The following FGGY variants were observed in gnomAD, a reference collection of about 807,000 sequenced individuals.
FGGY encodes the protein FGGY carbohydrate kinase domain-containing protein.
A neutral mutation model predicts 71.3 loss-of-function variants in FGGY; 72 were observed. The observed-to-expected ratio is 1.01, with a 90% CI of 0.84 to 1.23. The LOEUF (loss-of-function observed/expected upper bound fraction) is 1.23, where lower values mean the gene tolerates loss of function less well. Ranked by LOEUF, FGGY falls within the 50% of genes most tolerant of loss-of-function variation. The probability of loss-of-function intolerance (pLI) is 0.00; values close to 1 mark genes in which losing one functional copy is unlikely to be tolerated. For missense variants in FGGY, 668 were observed against 682.3 expected (o/e 0.98, Z 0.23); for synonymous variants, 251 against 250.3 (o/e 1.00, Z -0.02).
intron 4 of FGGY, among the ~76,000 whole-genome samples, chr1:59,375,321 A>T (rs1208299346): frequency 6.6e-6 from 1 of 151,922 alleles, no homozygotes; most frequent in Non-Finnish European, 1.5e-5. Context: ...ATCCTCACAG[A>T]TGCCTGCTGG....
chr1:59,691,641 CTTT>C (rs774899362), intron 14 of FGGY, among the ~76,000 whole-genome samples: 1 of 131,952 alleles, frequency 7.6e-6, no homozygotes, highest in Non-Finnish European at 1.6e-5. Context: ...TTTTTCTTTT[CTTT>C]TTTTTTTTTT....
chr1:59,377,002 T>C (rs1274855645), intron 4 of FGGY, among the ~76,000 whole-genome samples: 1 of 152,224 alleles, frequency 6.6e-6, no homozygotes, highest in East Asian at 1.9e-4. Flanking sequence ...TGGGTCCTGA[T>C]TCTAAGTTCT....
chr1:59,534,059 A>G (rs1357991943), intron 7 of FGGY, among the ~76,000 whole-genome samples: 1 of 152,204 alleles, frequency 6.6e-6, no homozygotes, highest in East Asian at 1.9e-4. Context: ...TTCAAACCAA[A>G]GGCAAAGAAG....
At chr1:59,579,938 G>A (rs2096157919) in intron 8 of FGGY, among the ~76,000 whole-genome samples, 1 of 152,090 alleles carries the variant, frequency 6.6e-6, no homozygotes, top group African/African-American at 2.4e-5. Flanking sequence ...TCACACCACT[G>A]CAGCTGCCCT....
intron 5 of FGGY, among the ~76,000 whole-genome samples, chr1:59,439,208 C>A (rs1457840920): frequency 1.3e-5 from 2 of 152,164 alleles, no homozygotes; most frequent in Admixed American, 1.3e-4. Context: ...TGCCTGACAC[C>A]TTGCATGGAA....
chr1:59,753,895 TAA>T (rs2098268519), intron 14 of FGGY, among the ~76,000 whole-genome samples: 1 of 152,188 alleles, frequency 6.6e-6, no homozygotes, highest in African/African-American at 2.4e-5. Flanking sequence ...TAGATAAATA[TAA>T]AGTCACTTAG....
chr1:59,475,388 A>G (rs1432854208), intron 6 of FGGY, among the ~76,000 whole-genome samples: 2 of 152,254 alleles, frequency 1.3e-5, no homozygotes, highest in Non-Finnish European at 2.9e-5. Context: ...AATACAGGAT[A>G]TGTTGGTTAA....
chr1:59,758,170 T>C (rs2098310891), intron 15 of FGGY, among the ~76,000 whole-genome samples, 178 bp downstream of exon 15: 1 of 152,178 alleles, frequency 6.6e-6, no homozygotes, highest in Non-Finnish European at 1.5e-5. Flanking sequence ...GCTGCAGAAC[T>C]ATGTAGGGCC....
chr1:59,445,157 GGGA>G (rs1189112888), intron 5 of FGGY, among the ~76,000 whole-genome samples: 1 of 152,166 alleles, frequency 6.6e-6, no homozygotes, highest in African/African-American at 2.4e-5. Flanking sequence ...AGAGGGAGGA[GGGA>G]AATAAATGGC....
chr1:59,306,352 G>A (rs1557488846), intron 1 of FGGY, among the ~76,000 whole-genome samples: 1 of 152,032 alleles, frequency 6.6e-6, no homozygotes, highest in African/African-American at 2.4e-5. Context: ...TATATCAGAG[G>A]GAAAAACATA....
intron 4 of FGGY, among the ~76,000 whole-genome samples, chr1:59,377,313 A>G (rs1280334936): frequency 2.6e-5 from 4 of 152,198 alleles, no homozygotes; most frequent in African/African-American, 9.6e-5. Flanking sequence ...AAGAGATTTA[A>G]TTGACTCACA....
chr1:59,326,136 G>A (rs2047391619), intron 2 of FGGY, among the ~76,000 whole-genome samples: 1 of 152,222 alleles, frequency 6.6e-6, no homozygotes, highest in African/African-American at 2.4e-5. Context: ...GGTGTTTGTT[G>A]AGTATCATTC....
chr1:59,647,691 C>T (rs1233295740), intron 11 of FGGY, among the ~76,000 whole-genome samples: 1 of 150,912 alleles, frequency 6.6e-6, no homozygotes, highest in Non-Finnish European at 1.5e-5. Flanking sequence ...TGATCCTTCT[C>T]AGCTTTCAGA....
At chr1:59,343,217 A>T (rs961869417) in intron 3 of FGGY, among the ~76,000 whole-genome samples, 3 of 152,190 alleles carry the variant, frequency 2.0e-5, no homozygotes, top group South Asian at 4.1e-4. Context: ...GAACATAAAC[A>T]TGTATTTTAG....
intron 5 of FGGY, among the ~76,000 whole-genome samples, chr1:59,415,541 GTA>G (rs764761187): frequency 2.0e-5 from 3 of 152,226 alleles, no homozygotes; most frequent in Non-Finnish European, 4.4e-5. Flanking sequence ...GAGTGAACGT[GTA>G]TGTCATTTCT....
intron 14 of FGGY, among the ~76,000 whole-genome samples, chr1:59,743,728 G>A (rs1393432590): frequency 6.6e-6 from 1 of 152,030 alleles, no homozygotes; most frequent in Non-Finnish European, 1.5e-5. Flanking sequence ...AGCTGACATA[G>A]TTGTTTTCTT....
At chr1:59,372,927 T>A (rs2057949952) in intron 4 of FGGY, among the ~76,000 whole-genome samples, 1 of 152,100 alleles carries the variant, frequency 6.6e-6, no homozygotes, top group African/African-American at 2.4e-5. Flanking sequence ...ATAAGAGCTA[T>A]CTATGACAAA....
At chr1:59,402,765 T>C (rs2062141032) in intron 5 of FGGY, among the ~76,000 whole-genome samples, 2 of 151,914 alleles carry the variant, frequency 1.3e-5, no homozygotes, top group African/African-American at 4.8e-5. Flanking sequence ...AACAAGCTAG[T>C]ATTGGGAGGT....
chr1:59,374,891 C>T (rs1557716713), intron 4 of FGGY, among the ~76,000 whole-genome samples: 1 of 119,950 alleles, frequency 8.3e-6, no homozygotes, highest in Non-Finnish European at 1.6e-5. Context: ...GGGAACATCA[C>T]ACTCTGGGGA....
Sources: gnomAD v4.1 joint callset for allele counts (sites outside exome capture counted in the v4.1 genomes callset) on GRCh38, gnomAD v4.1.1 for gene constraint, MANE v1.5 for transcripts, NCBI Gene and HGNC (gene_info 2026-07-23, HGNC 2026-07-21) for gene names.